The following MTA3 variants were observed in gnomAD, a reference collection of about 807,000 sequenced individuals.
The protein encoded by MTA3 is metastasis associated 1 family member 3, also known as metastasis-associated protein MTA3.
Under a neutral mutation model 83.5 loss-of-function variants are expected in MTA3, and 34 were observed. The observed-to-expected ratio is 0.41, with a 90% CI of 0.31 to 0.54. MTA3 has a LOEUF of 0.54. MTA3 is among the 20% of genes least tolerant of loss of function. The pLI, the probability that MTA3 is intolerant of heterozygous loss-of-function variation, is 0.33. For synonymous variants in MTA3, 303 were observed against 252.7 expected, an observed-to-expected ratio of 1.20 and a Z score of -1.89; for missense variants, 761 against 726.4, an observed-to-expected ratio of 1.05 and a Z score of -0.55.
chr2:42,624,874 A>T (rs900170436), intron 4 of MTA3, among the ~76,000 whole-genome samples: 1 of 152,190 alleles, frequency 6.6e-6, no homozygotes, highest in South Asian at 2.1e-4. Context: ...CATGAGTTTT[A>T]TACCACATCG....
At chr2:42,706,812 C>T (rs1010281206) in intron 12 of MTA3, among the ~76,000 whole-genome samples, 4 of 152,232 alleles carry the variant, frequency 2.6e-5, no homozygotes, top group Non-Finnish European at 5.9e-5. Flanking sequence ...GCTGTGATGT[C>T]AGCTGCCCAT....
chr2:42,533,766 A>G (rs1477204637), intron 2 of MTA3, among the ~76,000 whole-genome samples: 1 of 143,440 alleles, frequency 7.0e-6, no homozygotes, highest in African/African-American at 2.6e-5. Flanking sequence ...CAAGAGGCCG[A>G]GGGTGCAGTG....
In MTA3 at chr2:42,729,086, G is replaced by GTTTTTTGTTTTTTT. The variant is rs1430675726; in HGVS notation, c.1759+6057_1759+6058insGTTTTTTTTTTTTT. 6.7e-4 allele frequency among the ~76,000 whole-genome samples: 40 copies of GTTTTTTGTTTTTTT among 60,130 alleles called. 10 individuals carry two copies. The highest frequency in any genetic ancestry group is 1.6e-3 in the Admixed American group (6 of 3,860). The allele number at this position is 60,130 out of a possible 152,430, so 39.4% of individuals were successfully genotyped here. A position where few individuals can be genotyped will look rare whatever the true frequency, so the allele number is the denominator to read the frequency against. ...TTCTTTTATTAGTTTCACAGTTTGA[G>GTTTTTTGTTTTTTT]TTTTTTTTTTTTTTTTTTTTTTTTT... On this transcript the variant is annotated intron_variant, in intron 16 of 16. Coordinates refer to ENST00000405094, the MANE Select transcript of MTA3 (RefSeq NM_001330442.2).
At chr2:42,551,933 G>C (rs1677127684) in intron 2 of MTA3, among the ~76,000 whole-genome samples, 1 of 151,934 alleles carries the variant, frequency 6.6e-6, no homozygotes, top group African/African-American at 2.4e-5. Context: ...TCACCATGTT[G>C]GCCAAGATGG....
At chr2:42,726,418 A>G (rs1667823484) in intron 16 of MTA3, among the ~76,000 whole-genome samples, 1 of 151,468 alleles carries the variant, frequency 6.6e-6, no homozygotes, top group South Asian at 2.1e-4. Flanking sequence ...GGTTAGTTAC[A>G]TATGTATACA....
intron 2 of MTA3, among the ~76,000 whole-genome samples, chr2:42,536,541 T>C (rs6717647): frequency 0.37 from 55,718 of 151,516 alleles, 10,358 homozygotes; most frequent in South Asian, 0.41. Flanking sequence ...GCAATCCTGC[T>C]TCAGTGATAA....
intron 2 of MTA3, among the ~76,000 whole-genome samples, chr2:42,558,991 C>T (rs867989471): frequency 1.3e-5 from 2 of 152,068 alleles, no homozygotes; most frequent in African/African-American, 4.8e-5. Flanking sequence ...TCAATGTTGG[C>T]TTGCCCCAGG....
Position 42,753,718 on chromosome 2 carries a change from C to T in MTA3, c.*319C>T. 3 of 1,182,094 alleles carry T rather than the reference C, an allele frequency of 2.5e-6. No individual in the cohort carries two copies. The highest frequency in any genetic ancestry group is 3.2e-6 in the Non-Finnish European group (3 of 947,888). The allele number at this position is 1,182,094 out of a possible 1,614,324, so 73.2% of individuals were successfully genotyped here. A position where few individuals can be genotyped will look rare whatever the true frequency, so the allele number is the denominator to read the frequency against. On this transcript the variant is annotated 3_prime_UTR_variant, in exon 17 of 17. Coordinates refer to ENST00000405094, the MANE Select transcript of MTA3 (RefSeq NM_001330442.2). ...CTGCAGCGCCCTGCGCCCCACCCAGCAACAGCGGCCACTTGGCAGTGGGGC... is the reference window on the plus strand; with the variant it reads ...CTGCAGCGCCCTGCGCCCCACCCAGTAACAGCGGCCACTTGGCAGTGGGGC...
rs577382733 is a variant in MTA3 at position 42,578,581 on chromosome 2, C to T, written c.97-526C>T. ...TCACCTGGTCTATTCTGCATGATGG[C>T]TGCTTCCCACCTGCAGAGCTTCACT... On this transcript the variant is annotated intron_variant, in intron 2 of 16. Transcript: ENST00000405094. Among the ~76,000 whole-genome samples, 4 of 152,300 alleles carry T rather than the reference C, an allele frequency of 2.6e-5. No individual in the cohort carries two copies. The East Asian group carries it at 5.8e-4, about 22-fold the overall frequency.
At chr2:42,543,047 T>A (rs1676591758) in intron 2 of MTA3, among the ~76,000 whole-genome samples, 1 of 151,960 alleles carries the variant, frequency 6.6e-6, no homozygotes, top group Non-Finnish European at 1.5e-5. Context: ...GTCCAAGAGC[T>A]CAGGACAAAT....
At chr2:42,577,135 A>ATATATATATATATATAT (rs1558451263) in intron 2 of MTA3, among the ~76,000 whole-genome samples, 3 of 93,984 alleles carry the variant, frequency 3.2e-5, no homozygotes, top group African/African-American at 1.4e-4. Context: ...TATATATATA[A>ATATATATATATATATAT]AAATGAACTC....
chr2:42,738,306 C>T (rs761474143), intron 16 of MTA3, among the ~76,000 whole-genome samples: 6 of 152,050 alleles, frequency 3.9e-5, no homozygotes, highest in Admixed American at 6.6e-5. Context: ...GGCAGAAGAA[C>T]GTGGATTGTG....
chr2:42,580,483 TGCCTCAGCCTCCTG>T (rs1250646601), intron 3 of MTA3, among the ~76,000 whole-genome samples: 1 of 152,098 alleles, frequency 6.6e-6, no homozygotes, highest in Non-Finnish European at 1.5e-5. Flanking sequence ...GCGACTCTCC[TGCCTCAGCCTCCTG>T]GGTAGCTGGG....
intron 2 of MTA3, among the ~76,000 whole-genome samples, chr2:42,552,637 AAAGAAG>A (rs1167406002): frequency 2.2e-4 from 34 of 151,600 alleles, no homozygotes; most frequent in Non-Finnish European, 4.3e-4. Context: ...AAAAAAAAAA[AAAGAAG>A]AAGAAGAAGA....
intron 2 of MTA3, among the ~76,000 whole-genome samples, chr2:42,578,553 A>G (rs1037588761): frequency 2.0e-5 from 3 of 152,186 alleles, no homozygotes; most frequent in Non-Finnish European, 4.4e-5. Flanking sequence ...ATGCTTTTCC[A>G]GGTCACCTGG....
At chr2:42,622,053 C>T (rs1446176632) in intron 4 of MTA3, among the ~76,000 whole-genome samples, 2 of 152,136 alleles carry the variant, frequency 1.3e-5, no homozygotes, top group African/African-American at 2.4e-5. Flanking sequence ...CCAAGGCAGG[C>T]GGCTGGGAGG....
rs149109165 is a variant in MTA3 at position 42,652,799 on chromosome 2, G to C, written c.500-3401G>C. ...AATTATAGTAACTTGTTATTCTTTT[G>C]ATTCATAACTTAATATGTTGGCCAG... On this transcript the variant is annotated intron_variant, in intron 6 of 16. Coordinates refer to ENST00000405094, the MANE Select transcript of MTA3 (RefSeq NM_001330442.2). Among the ~76,000 whole-genome samples, 438 of 152,150 alleles carry C rather than the reference G, an allele frequency of 2.9e-3. 8 individuals are homozygous for C. The highest frequency in any genetic ancestry group is 9.4e-3 in the African/African-American group (391 of 41,504).
At chr2:42,554,379 G>A (rs1572973920) in intron 2 of MTA3, among the ~76,000 whole-genome samples, 1 of 152,314 alleles carries the variant, frequency 6.6e-6, no homozygotes. Flanking sequence ...ATCACAATAA[G>A]TGTTGAACTG....
intron 2 of MTA3, among the ~76,000 whole-genome samples, chr2:42,536,876 A>C (rs1275300300): frequency 6.6e-6 from 1 of 151,522 alleles, no homozygotes; most frequent in East Asian, 1.9e-4. Context: ...AAAAAAAAAA[A>C]AGGGAGTATA....
Sources: allele counts gnomAD v4.1 joint callset (sites outside exome capture counted in the v4.1 genomes callset), GRCh38; gene constraint gnomAD v4.1.1; transcripts MANE v1.5; gene names NCBI Gene and HGNC (gene_info 2026-07-23, HGNC 2026-07-21).